The following STYK1 variants were observed in gnomAD, a reference collection of about 807,000 sequenced individuals.
STYK1 encodes STY kinase 1, also known as tyrosine-protein kinase STYK1.
A neutral mutation model predicts 48.1 loss-of-function variants in STYK1; 46 were observed. The ratio of observed to expected loss-of-function variants is 0.96; its 90% CI spans 0.75 to 1.22. STYK1 has a LOEUF of 1.22. Among genes scored for constraint, STYK1 ranks in the 50% most tolerant of loss-of-function variants. The pLI, the probability that STYK1 is intolerant of heterozygous loss-of-function variation, is 0.00. For missense variants in STYK1, 527 were observed against 521.1 expected (o/e 1.01, Z -0.11); for synonymous variants, 188 against 189.0 (o/e 0.99, Z 0.04).
At chr12:10,642,400 C>T (rs1947555022) in intron 1 of STYK1, among the ~76,000 whole-genome samples, 1 of 152,190 alleles carries the variant, frequency 6.6e-6, no homozygotes, top group Admixed American at 6.5e-5. Flanking sequence ...ATGATAACTA[C>T]CTACCAGGGT....
chr12:10,669,078 T>C (rs1343928112), intron 1 of STYK1, among the ~76,000 whole-genome samples: 1 of 152,228 alleles, frequency 6.6e-6, no homozygotes. Context: ...TGTTCATTGC[T>C]GTATCCCTAG....
intron 1 of STYK1, among the ~76,000 whole-genome samples, chr12:10,645,931 T>C (rs957178492): frequency 1.9e-4 from 29 of 152,312 alleles, no homozygotes; most frequent in Admixed American, 7.8e-4. Flanking sequence ...TTCTCTCTCT[T>C]TGCCTGCCAC....
intron 1 of STYK1, among the ~76,000 whole-genome samples, chr12:10,650,110 A>G (rs1334957359): frequency 1.0e-5 from 1 of 96,376 alleles, no homozygotes; most frequent in Non-Finnish European, 1.9e-5. Flanking sequence ...AGAGAGAGAG[A>G]CTCTGTCTCA....
intron 4 of STYK1, among the ~76,000 whole-genome samples, chr12:10,631,724 G>T (rs1197479782): frequency 6.6e-6 from 1 of 152,092 alleles, no homozygotes; most frequent in African/African-American, 2.4e-5. Flanking sequence ...TTGGAGGAAA[G>T]GTATGGATAA....
intron 9 of STYK1, 116 bp downstream of exon 9, chr12:10,622,522 T>G: frequency 8.6e-7 from 1 of 1,168,024 alleles, no homozygotes; most frequent in Non-Finnish European, 1.2e-6. Context: ...GTCAGTCCAT[T>G]TCAAGCTTCA....
intron 1 of STYK1, among the ~76,000 whole-genome samples, chr12:10,638,389 G>A (rs778515656): frequency 3.3e-5 from 5 of 152,170 alleles, no homozygotes; most frequent in Non-Finnish European, 4.4e-5. Flanking sequence ...AGAAGAAACA[G>A]TGCAATGAAG....
chr12:10,645,133 G>C (rs983200052), intron 1 of STYK1, among the ~76,000 whole-genome samples: 2 of 152,062 alleles, frequency 1.3e-5, no homozygotes, highest in African/African-American at 4.8e-5. Flanking sequence ...AAAGGAGAGG[G>C]GCATGGACAA....
intron 1 of STYK1, among the ~76,000 whole-genome samples, chr12:10,658,108 G>T (rs538315675): frequency 5.3e-5 from 8 of 152,270 alleles, no homozygotes; most frequent in South Asian, 4.1e-4. Context: ...AGTTAAAGGG[G>T]TCTTATTCAG....
At chr12:10,653,107 C>G (rs1565570667) in intron 1 of STYK1, among the ~76,000 whole-genome samples, 1 of 151,966 alleles carries the variant, frequency 6.6e-6, no homozygotes, top group South Asian at 2.1e-4. Flanking sequence ...GAGTCTCACT[C>G]TGTTGCCCAG....
intron 1 of STYK1, among the ~76,000 whole-genome samples, chr12:10,668,969 C>A (rs1033583002): frequency 4.6e-5 from 7 of 152,112 alleles, no homozygotes; most frequent in South Asian, 2.1e-4. Context: ...TAGAGACTGG[C>A]TGAGCCTGGG....
At chr12:10,661,679 A>C (rs868616858) in intron 1 of STYK1, among the ~76,000 whole-genome samples, 5 of 152,234 alleles carry the variant, frequency 3.3e-5, no homozygotes, top group Non-Finnish European at 5.9e-5. Context: ...AAACTGGGGC[A>C]CAGAGAGAGG....
rs563478691 is a variant in STYK1 at position 10,625,469 on chromosome 12, G to A, written c.718-610C>T. 7.2e-5 allele frequency among the ~76,000 whole-genome samples: 11 copies of A among 152,116 alleles called. No individual in the cohort carries two copies. The South Asian group carries it at 1.5e-3, about 20-fold the overall frequency. ...CCTGACCTTGTGATCTGCCCTCCTC[G>A]GCCTCCCAAAGTGCTGGGATTACAG... is the stretch of plus-strand genomic sequence containing the variant. On this transcript the variant is annotated intron_variant, in intron 7 of 10. Coordinates refer to ENST00000075503, the MANE Select transcript of STYK1 (RefSeq NM_018423.3).
intron 4 of STYK1, among the ~76,000 whole-genome samples, chr12:10,631,552 T>G (rs1947429441): frequency 6.6e-6 from 1 of 152,198 alleles, no homozygotes; most frequent in Non-Finnish European, 1.5e-5. Flanking sequence ...GACACTTCCT[T>G]TCTGCCTTCC....
In STYK1 at chr12:10,634,624, C is replaced by T. The variant is rs1298845097; in HGVS notation, c.-6G>A. On this transcript the variant is annotated 5_prime_UTR_variant, in exon 3 of 11. In the 5' UTR this introduces an upstream ATG that the reference lacks. Coordinates refer to ENST00000075503, the MANE Select transcript of STYK1 (RefSeq NM_018423.3). ...AGCATCCGTGTCATGCCCATTGCCA[C>T]AGGGCTGTCCCCTTCCCTGCTAGGC... 1 of 1,614,146 alleles carries T rather than the reference C, an allele frequency of 6.2e-7. No individual in the cohort carries two copies. Among genetic ancestry groups the T allele is most frequent in the South Asian group, 1.1e-5 (1 of 91,076 alleles).
intron 1 of STYK1, among the ~76,000 whole-genome samples, chr12:10,647,043 C>A (rs775842178): frequency 3.4e-4 from 52 of 152,244 alleles, no homozygotes; most frequent in Non-Finnish European, 6.9e-4. Context: ...TCATGGAGAA[C>A]CTTTGCTAGG....
At chr12:10,623,634 GA>G (rs945400702) in intron 8 of STYK1, among the ~76,000 whole-genome samples, 1 of 152,094 alleles carries the variant, frequency 6.6e-6, no homozygotes, top group African/African-American at 2.4e-5. Context: ...TGAATGTTTT[GA>G]AAATGATTTA....
At chr12:10,660,186 T>C (rs1038855367) in intron 1 of STYK1, among the ~76,000 whole-genome samples, 2 of 152,250 alleles carry the variant, frequency 1.3e-5, no homozygotes, top group South Asian at 2.1e-4. Context: ...TATTGCTTTG[T>C]ACCCTTTGTG....
intron 4 of STYK1, among the ~76,000 whole-genome samples, chr12:10,633,678 C>G (rs1454729312): frequency 6.6e-6 from 1 of 152,120 alleles, no homozygotes. Context: ...GACTTTACCC[C>G]CTTAGGTCTT....
At chr12:10,661,156 C>T (rs1030874024) in intron 1 of STYK1, among the ~76,000 whole-genome samples, 21 of 152,148 alleles carry the variant, frequency 1.4e-4, no homozygotes, top group Admixed American at 1.2e-3. Context: ...CAAATCAGAA[C>T]AGGAGGAGAA....
Sources: gnomAD v4.1 joint callset for allele counts (sites outside exome capture counted in the v4.1 genomes callset) on GRCh38, gnomAD v4.1.1 for gene constraint, MANE v1.5 for transcripts, NCBI Gene and HGNC (gene_info 2026-07-23, HGNC 2026-07-21) for gene names.